The following TMEM244 variants were observed in gnomAD, a reference collection of about 807,000 sequenced individuals.
The protein encoded by TMEM244 is putative transmembrane protein 244.
Under a neutral mutation model 15.8 loss-of-function variants are expected in TMEM244, and 13 were observed. The ratio of observed to expected loss-of-function variants is 0.82; its 90% CI spans 0.53 to 1.30. TMEM244 has a LOEUF of 1.30. Ranked by LOEUF, TMEM244 falls within the 50% of genes most tolerant of loss-of-function variation. The probability of loss-of-function intolerance (pLI) is 0.00; values close to 1 mark genes in which losing one functional copy is unlikely to be tolerated. For missense variants in TMEM244, 161 were observed against 144.9 expected (o/e 1.11, Z -0.57); for synonymous variants, 45 against 48.7 (o/e 0.92, Z 0.32).
chr6:129,850,012 C>G (rs552204064), intron 1 of TMEM244, among the ~76,000 whole-genome samples: 1 of 152,294 alleles, frequency 6.6e-6, no homozygotes, highest in Admixed American at 6.5e-5. Context: ...TATAAAACTT[C>G]TGAGTGGTAG....
chr6:129,859,407 CA>C (rs1389457288), intron 1 of TMEM244, among the ~76,000 whole-genome samples: 2 of 152,228 alleles, frequency 1.3e-5, no homozygotes, highest in Non-Finnish European at 2.9e-5. Context: ...AGAATCACAG[CA>C]AAGGCTCCGT....
At chr6:129,851,437 T>C (rs1776636954) in intron 1 of TMEM244, among the ~76,000 whole-genome samples, 1 of 151,966 alleles carries the variant, frequency 6.6e-6, no homozygotes, top group Non-Finnish European at 1.5e-5. Context: ...CCCAGCAAAT[T>C]TTTTGTATTT....
At chr6:129,839,829 A>G (rs1776463527) in intron 3 of TMEM244, among the ~76,000 whole-genome samples, 1 of 152,230 alleles carries the variant, frequency 6.6e-6, no homozygotes, top group African/African-American at 2.4e-5. Context: ...CCCATTCACA[A>G]TTGCTACAAA....
At chr6:129,833,620 C>G (rs1263431257) in intron 3 of TMEM244, 35 bp from the exon 4 acceptor site, 1 of 1,593,796 alleles carries the variant, frequency 6.3e-7, no homozygotes, top group Non-Finnish European at 8.5e-7. Context: ...TTATTGAGGA[C>G]TAGAGCAATG....
At chr6:129,858,062 A>AT (rs1776743700) in intron 1 of TMEM244, among the ~76,000 whole-genome samples, 1 of 151,950 alleles carries the variant, frequency 6.6e-6, no homozygotes, top group African/African-American at 2.4e-5. Flanking sequence ...CCATCCGTAC[A>AT]TTTTTGGAAT....
rs1008613887 is a variant in TMEM244 at position 129,856,032 on chromosome 6, T to A, written c.33+5124A>T. ...AGTAGATATTCTTCCATAAAGAGAT[T>A]TCCTTTCTTACCCTTGAACTTACCT... is the stretch of plus-strand genomic sequence containing the variant. On this transcript the variant is annotated intron_variant, in intron 1 of 4. Coordinates refer to ENST00000368143, the MANE Select transcript of TMEM244 (RefSeq NM_001010876.2). Among the ~76,000 whole-genome samples the A allele has an allele frequency of 2.0e-5, 3 of 152,266 alleles. No homozygotes were observed. The South Asian group carries it at 6.2e-4, about 32-fold the overall frequency.
Position 129,831,729 on chromosome 6 carries a change from C to G in TMEM244, c.320-343G>C, listed in dbSNP as rs147641074. Among the ~76,000 whole-genome samples the G allele has an allele frequency of 4.1e-4, 62 of 152,288 alleles. No homozygotes were observed. In the East Asian group the frequency reaches 5.0e-3, roughly 12 times the overall value. On this transcript the variant is annotated intron_variant, in intron 4 of 4. Coordinates refer to ENST00000368143, the MANE Select transcript of TMEM244 (RefSeq NM_001010876.2). ...ACTTCACTCTGAAGTCACTTCTGTC[C>G]AGTAGTCATTTGTTAACATTTTCTA... is the stretch of plus-strand genomic sequence containing the variant.
At chr6:129,850,594 T>A (rs958359336) in intron 1 of TMEM244, among the ~76,000 whole-genome samples, 1 of 152,198 alleles carries the variant, frequency 6.6e-6, no homozygotes, top group Admixed American at 6.5e-5. Flanking sequence ...TCTAGCCCAG[T>A]GCTGTCCAGC....
chr6:129,842,430 G>T (rs565126206), intron 3 of TMEM244, among the ~76,000 whole-genome samples: 3 of 152,088 alleles, frequency 2.0e-5, no homozygotes, highest in African/African-American at 7.2e-5. Context: ...AATCAATAAT[G>T]GCACCAAACA....
intron 2 of TMEM244, among the ~76,000 whole-genome samples, chr6:129,844,037 AAATT>A (rs1451146466): frequency 6.6e-6 from 1 of 152,236 alleles, no homozygotes; most frequent in Non-Finnish European, 1.5e-5. Flanking sequence ...CAGTTAGAAT[AAATT>A]AATTAAATGC....
At chr6:129,853,652 A>C (rs559782150) in intron 1 of TMEM244, among the ~76,000 whole-genome samples, 1 of 152,284 alleles carries the variant, frequency 6.6e-6, no homozygotes, top group South Asian at 2.1e-4. Flanking sequence ...CCACTGCCCT[A>C]AAAAATAAAG....
At chr6:129,831,474 C>T in intron 4 of TMEM244, 88 bp from the exon 5 acceptor site, 1 of 895,680 alleles carries the variant, frequency 1.1e-6, no homozygotes, top group Non-Finnish European at 1.8e-6. Flanking sequence ...CAAATTATAT[C>T]CACTCAACAA....
At chr6:129,858,603 ATACC>A (rs1324153361) in intron 1 of TMEM244, among the ~76,000 whole-genome samples, 1 of 152,220 alleles carries the variant, frequency 6.6e-6, no homozygotes, top group Non-Finnish European at 1.5e-5. Context: ...GTATTGTAGC[ATACC>A]TACTTTTGGA....
chr6:129,853,137 A>C (rs1485455048), intron 1 of TMEM244, among the ~76,000 whole-genome samples: 1 of 152,156 alleles, frequency 6.6e-6, no homozygotes, highest in African/African-American at 2.4e-5. Flanking sequence ...ACATCTCACA[A>C]TATATTATCT....
rs1776360961 is a variant in TMEM244 at position 129,833,563 on chromosome 6, G to A, written c.216C>T (p.Val72=). Residue 72 remains valine (V), a synonymous_variant, in exon 4 of 5, where the codon GTC becomes GTT. Coordinates refer to ENST00000368143, the MANE Select transcript of TMEM244 (RefSeq NM_001010876.2). Reference sequence around the variant, plus strand: ...AAAACAATCCACAAACAAAGTAGGTGACCTCTGTTGAAACTAAAAGAACTG... The same window carrying A: ...AAAACAATCCACAAACAAAGTAGGTAACCTCTGTTGAAACTAAAAGAACTG... The part of the protein sequence containing the change: ...NYKVLLVSTE[V]TYFVCGLFFV... The A allele has an allele frequency of 9.9e-6, 16 of 1,612,100 alleles. No homozygotes were observed. Among genetic ancestry groups the A allele is most frequent in the South Asian group, 3.3e-5 (3 of 90,738 alleles).
rs774251254 is a variant in TMEM244, at chr6:129,831,313, G to C, written c.*6C>G. 5 of 1,497,134 alleles carry C rather than the reference G, an allele frequency of 3.3e-6. No homozygotes were observed. The highest frequency in any genetic ancestry group is 4.7e-6 in the Non-Finnish European group (5 of 1,075,076). 92.7% of individuals were successfully genotyped at this position (1,497,134 alleles called of 1,614,324 possible). On this transcript the variant is annotated 3_prime_UTR_variant, in exon 5 of 5. Transcript: ENST00000368143. ...TATTTAACATTATTTCTGTGCATTA[G>C]AGAATCTAAACAAGCAATTTTGATA...
intron 3 of TMEM244, among the ~76,000 whole-genome samples, chr6:129,835,297 T>C (rs1365144772): frequency 6.6e-6 from 1 of 151,142 alleles, no homozygotes; most frequent in African/African-American, 2.4e-5. Context: ...ACTCAGGAGG[T>C]GGAGATGGGA....
rs1776339191 is a variant in TMEM244, at chr6:129,832,267, T to G, written c.320-881A>C. The stretch of plus-strand genomic sequence containing the variant: ...TGCCCACCAGCATGCCTGGCTAATT[T>G]TTGTATTTTTAGTAGAGATGGGGTT... On this transcript the variant is annotated intron_variant, in intron 4 of 4. Transcript: ENST00000368143. 5.3e-5 allele frequency among the ~76,000 whole-genome samples: 8 copies of G among 151,972 alleles called. No homozygotes were observed. The South Asian group carries it at 1.5e-3, about 28-fold the overall frequency.
chr6:129,843,328 T>TTATTCCATATTACTCCACC (rs1442848344), intron 3 of TMEM244, among the ~76,000 whole-genome samples: 2 of 152,126 alleles, frequency 1.3e-5, no homozygotes, highest in African/African-American at 4.8e-5. Flanking sequence ...TTTTCTCCAC[T>TTATTCCATATTACTCCACC]TATTCCATAT....
Sources: allele counts gnomAD v4.1 joint callset (sites outside exome capture counted in the v4.1 genomes callset), GRCh38; gene constraint gnomAD v4.1.1; transcripts MANE v1.5; gene names NCBI Gene and HGNC (gene_info 2026-07-23, HGNC 2026-07-21).